Variants in HEMK1 observed in about 807,000 individuals in gnomAD.
The protein encoded by HEMK1 is MTRF1L release factor glutamine methyltransferase.
HEMK1 carries 36 observed loss-of-function variants against 47.9 expected under a neutral mutation model. That is an observed-to-expected ratio of 0.75 (90% confidence interval 0.58 to 0.99). The LOEUF (loss-of-function observed/expected upper bound fraction) is 0.99. Among genes scored for constraint, HEMK1 ranks in the 50% least tolerant of loss-of-function variants. The pLI, the probability that HEMK1 is intolerant of heterozygous loss-of-function variation, is 0.00. For synonymous variants in HEMK1, 153 were observed against 165.4 expected, an observed-to-expected ratio of 0.93 and a Z score of 0.57; for missense variants, 383 against 434.5, an observed-to-expected ratio of 0.88 and a Z score of 1.05.
At position 50,589,788 on chromosome 3, in the gene HEMK1, T is replaced by C. The variant is rs919932121; in HGVS notation, c.*9371T>C. ...GGCTCACGCCTGTAATCCCAGCTAC[T>C]TGAGAGGCTGAGGCAGGAGAATCGC... On this transcript the variant is annotated 3_prime_UTR_variant, in exon 11 of 11. Coordinates refer to ENST00000232854, the MANE Select transcript of HEMK1 (RefSeq NM_016173.5). The C allele has an allele frequency of 6.6e-6, 1 of 152,070 alleles. No individual in the cohort carries two copies. The highest frequency in any genetic ancestry group is 1.5e-5 in the Non-Finnish European group (1 of 68,034). The allele number at this position is 152,070 out of a possible 1,614,324, so 9.4% of individuals were successfully genotyped here.
At chr3:50,572,241 G>A in intron 4 of HEMK1, 33 bp downstream of exon 4, 1 of 1,567,366 alleles carries the variant, frequency 6.4e-7, no homozygotes, top group South Asian at 1.1e-5. Context: ...GCAGGATCAG[G>A]ATGATGGTGG....
chr3:50,575,454 A>G (rs958998438), intron 4 of HEMK1, among the ~76,000 whole-genome samples: 7 of 152,050 alleles, frequency 4.6e-5, no homozygotes, highest in Non-Finnish European at 8.8e-5. Flanking sequence ...GAAAAAAAGA[A>G]AGTAGCCAAG....
rs1253573537 is a variant in HEMK1 at position 50,582,793 on chromosome 3, AGCAG to A, written c.*2379_*2382del. On this transcript the variant is annotated 3_prime_UTR_variant, in exon 11 of 11. Transcript: ENST00000232854. ...CTCACTGTTGTCTAGAGATGGAGCC[AGCAG>A]GCTGGTAGCCTGGCAGCCTACATCT... 1 of 152,340 alleles carries A rather than the reference AGCAG, an allele frequency of 6.6e-6. No individual in the cohort carries two copies. Among genetic ancestry groups the A allele is most frequent in the Admixed American group, 6.5e-5 (1 of 15,290 alleles). 9.4% of individuals were successfully genotyped at this position (152,340 alleles called of 1,614,324 possible).
In HEMK1 at chr3:50,577,325, A is replaced by T. The variant is rs944733752; in HGVS notation, c.549+139A>T. The T allele has an allele frequency of 1.4e-4, 163 of 1,170,476 alleles. 1 individual carries two copies. In the East Asian group the frequency reaches 3.9e-3, roughly 28 times the overall value. 72.5% of individuals were successfully genotyped at this position (1,170,476 alleles called of 1,614,324 possible). ...GGGAGGACAGGGCTGCCCCTAGCCC[A>T]CTGTGGTTCACAGACTCTAACGCCT... On this transcript the variant is annotated intron_variant, in intron 5 of 10. Transcript: ENST00000232854.
rs1289433277 is a variant in HEMK1, at chr3:50,590,707, C to T, written c.*10290C>T. 6.6e-6 allele frequency: 1 copy of T among 152,290 alleles called. No individual in the cohort carries two copies. Among genetic ancestry groups the T allele is most frequent in the East Asian group, 1.9e-4 (1 of 5,192 alleles). The allele number at this position is 152,290 out of a possible 1,614,324, so 9.4% of individuals were successfully genotyped here. On this transcript the variant is annotated 3_prime_UTR_variant, in exon 11 of 11. Coordinates refer to ENST00000232854, the MANE Select transcript of HEMK1 (RefSeq NM_016173.5). ...AGCCTGAGGCTCCCGGCACCTCCCA[C>T]CCAGCATCTGTCACAGCAAATCAAT...
intron 2 of HEMK1, 165 bp from the exon 3 acceptor site, chr3:50,571,545 G>A (rs1471788149): frequency 8.2e-6 from 6 of 733,878 alleles, no homozygotes; most frequent in Non-Finnish European, 1.2e-5. Flanking sequence ...CTGGAAGCCT[G>A]GTGTTAGCTG....
intron 7 of HEMK1, 83 bp from the exon 8 acceptor site, chr3:50,578,738 A>G (rs896925143): frequency 7.9e-6 from 7 of 889,686 alleles, no homozygotes; most frequent in Non-Finnish European, 1.1e-5. Context: ...GCATGGTGAG[A>G]GGGACATGGT....
At position 50,587,498 on chromosome 3, in the gene HEMK1, T is replaced by C. The variant is rs538000751; in HGVS notation, c.*7081T>C. ...TACTGACGAAGAAACAAACTGGGGC[T>C]AAGAAACTTGCTCATAGGCTGGCTG... On this transcript the variant is annotated 3_prime_UTR_variant, in exon 11 of 11. Transcript: ENST00000232854. The surrounding 1 kb of genome is among the most constrained non-coding windows in gnomAD (Gnocchi z 4.2). 10 of 152,426 alleles carry C rather than the reference T, an allele frequency of 6.6e-5. No homozygotes were observed. The highest frequency in any genetic ancestry group is 1.5e-4 in the Non-Finnish European group (10 of 68,094). 9.4% of individuals were successfully genotyped at this position (152,426 alleles called of 1,614,324 possible). A position where few individuals can be genotyped will look rare whatever the true frequency, so the allele number is the denominator to read the frequency against.
chr3:50,579,131 G>T (rs1402805327), intron 8 of HEMK1, among the ~76,000 whole-genome samples: 2 of 152,158 alleles, frequency 1.3e-5, no homozygotes, highest in African/African-American at 4.8e-5. Context: ...AAAACTACTG[G>T]ACAGCCACCG....
chr3:50,569,935 G>A (rs952490578), intron 1 of HEMK1: 2 of 152,186 alleles, frequency 1.3e-5, no homozygotes, highest in African/African-American at 2.4e-5. Flanking sequence ...GCTTGAACTG[G>A]GTTCAAGCAG....
rs2031795793 is a variant in HEMK1, at chr3:50,592,891, CTTTTA to C, written c.*12478_*12482del. 6.6e-6 allele frequency: 1 copy of C among 152,372 alleles called. No homozygotes were observed. The allele number at this position is 152,372 out of a possible 1,614,324, so 9.4% of individuals were successfully genotyped here. A position where few individuals can be genotyped will look rare whatever the true frequency, so the allele number is the denominator to read the frequency against. Reference sequence around the variant, plus strand: ...GGCCCCGTGGAGTTTGCTATTCCAGCTTTTATTTACTCCTCTGTACCCTGAGCACC... The same window carrying C: ...GGCCCCGTGGAGTTTGCTATTCCAGCTTTACTCCTCTGTACCCTGAGCACC... On this transcript the variant is annotated 3_prime_UTR_variant, in exon 11 of 11. Transcript: ENST00000232854.
intron 2 of HEMK1, 27 bp downstream of exon 2, chr3:50,571,359 A>G: frequency 6.7e-7 from 1 of 1,498,754 alleles, no homozygotes. Flanking sequence ...TCAAGAGGAC[A>G]GGAAGAGGGA....
Position 50,582,798 on chromosome 3 carries a change from G to A in HEMK1, c.*2381G>A, listed in dbSNP as rs929175435. ...TGTTGTCTAGAGATGGAGCCAGCAGGCTGGTAGCCTGGCAGCCTACATCTC... is the reference window on the plus strand; with the variant it reads ...TGTTGTCTAGAGATGGAGCCAGCAGACTGGTAGCCTGGCAGCCTACATCTC... On this transcript the variant is annotated 3_prime_UTR_variant, in exon 11 of 11. Coordinates refer to ENST00000232854, the MANE Select transcript of HEMK1 (RefSeq NM_016173.5). The A allele has an allele frequency of 6.6e-6, 1 of 152,296 alleles. No homozygotes were observed. Among genetic ancestry groups the A allele is most frequent in the Non-Finnish European group, 1.5e-5 (1 of 68,112 alleles). 9.4% of individuals were successfully genotyped at this position (152,296 alleles called of 1,614,324 possible).
chr3:50,577,463 C>T (rs1335559389), intron 5 of HEMK1, 46 bp from the exon 6 acceptor site: 1 of 1,578,174 alleles, frequency 6.3e-7, no homozygotes. Flanking sequence ...CTTCCAGCAT[C>T]TCTCAGCATT....
rs1296310765 is a variant in HEMK1 at position 50,586,278 on chromosome 3, CT to C, written c.*5862del. 1.3e-5 allele frequency: 2 copies of C among 152,250 alleles called. No homozygotes were observed. Among genetic ancestry groups the C allele is most frequent in the Admixed American group, 1.3e-4 (2 of 15,290 alleles). 9.4% of individuals were successfully genotyped at this position (152,250 alleles called of 1,614,324 possible). A position where few individuals can be genotyped will look rare whatever the true frequency, so the allele number is the denominator to read the frequency against. On this transcript the variant is annotated 3_prime_UTR_variant, in exon 11 of 11. Coordinates refer to ENST00000232854, the MANE Select transcript of HEMK1 (RefSeq NM_016173.5). ...AGGCCCCTTTTCTTCCAAAGACTAC[CT>C]CTCACACATACAGCAGTCCTGCAGG...
chr3:50,590,671 C>T lies in HEMK1; in HGVS notation c.*10254C>T, dbSNP rs1278593381. On this transcript the variant is annotated 3_prime_UTR_variant, in exon 11 of 11. Coordinates refer to ENST00000232854, the MANE Select transcript of HEMK1 (RefSeq NM_016173.5). ...TTCCCGGAGGTCTGCCCCAACTGCTCCAGCCCCCATAGCCTGAGGCTCCCG... is the reference window on the plus strand; with the variant it reads ...TTCCCGGAGGTCTGCCCCAACTGCTTCAGCCCCCATAGCCTGAGGCTCCCG... 2 of 152,256 alleles carry T rather than the reference C, an allele frequency of 1.3e-5. No individual in the cohort carries two copies. Among genetic ancestry groups the T allele is most frequent in the Non-Finnish European group, 2.9e-5 (2 of 68,086 alleles). 9.4% of individuals were successfully genotyped at this position (152,256 alleles called of 1,614,324 possible).
At chr3:50,577,390 G>A in intron 5 of HEMK1, 119 bp from the exon 6 acceptor site, 1 of 1,204,954 alleles carries the variant, frequency 8.3e-7, no homozygotes, top group Non-Finnish European at 1.2e-6. Flanking sequence ...AGAAGAAAAG[G>A]CTGTTGGGTA....
chr3:50,576,682 T>C (rs1249445352), intron 4 of HEMK1, among the ~76,000 whole-genome samples: 9 of 152,236 alleles, frequency 5.9e-5, no homozygotes, highest in Admixed American at 5.9e-4. Flanking sequence ...GTGTTGGGAT[T>C]ACAGGCATGA....
In HEMK1 at chr3:50,577,082, G is replaced by A. The variant is rs776901360; in HGVS notation, c.445G>A (p.Ala149Thr). ...GGTTGAGTGGGTGCTGGAAGAGGTGGCCCAGAGGTCCCATGCTGTGGGATC... is the reference window on the plus strand; with the variant it reads ...GGTTGAGTGGGTGCTGGAAGAGGTGACCCAGAGGTCCCATGCTGTGGGATC... ...ELVEWVLEEV[A>T]QRSHAVGSPG... The change falls in exon 5 of 11, where the codon GCC becomes ACC. Residue 149 changes from alanine to threonine, a missense_variant. Ala to Thr is a moderately conservative substitution (Grantham distance 58). Coordinates refer to ENST00000232854, the MANE Select transcript of HEMK1 (RefSeq NM_016173.5). 3.7e-6 allele frequency: 6 copies of A among 1,613,880 alleles called. No homozygotes were observed. Among genetic ancestry groups the A allele is most frequent in the Middle Eastern group, 1.6e-4 (1 of 6,084 alleles).
Sources: gnomAD v4.1 joint callset for allele counts (sites outside exome capture counted in the v4.1 genomes callset) on GRCh38, gnomAD v4.1.1 for gene constraint, Gnocchi (gnomAD v3.1) non-coding constraint, MANE v1.5 for transcripts, NCBI Gene and HGNC (gene_info 2026-07-23, HGNC 2026-07-21) for gene names.